The following VWA3B variants were observed in gnomAD, a reference collection of about 807,000 sequenced individuals.
VWA3B encodes the protein von Willebrand factor A domain-containing protein 3B.
VWA3B carries 138 observed loss-of-function variants against 158.3 expected under a neutral mutation model. The observed-to-expected ratio is 0.87, with a 90% confidence interval of 0.76 to 1.00. VWA3B has a LOEUF of 1.00. Ranked by LOEUF, VWA3B falls within the 50% of genes least tolerant of loss-of-function variation. VWA3B has a pLI of 0.00. For synonymous variants in VWA3B, 596 were observed against 587.3 expected (o/e 1.01, Z -0.21); for missense variants, 1,555 against 1,565.1 (o/e 0.99, Z 0.11).
Position 98,192,882 on chromosome 2 carries a change from C to T in VWA3B, c.1467-16C>T, listed in dbSNP as rs1278402585. 1 of 1,614,158 alleles carries T rather than the reference C, an allele frequency of 6.2e-7. No individual in the cohort carries two copies. Reference sequence around the variant, plus strand: ...GCAGGCTCTCACCATTCACTTTCAACCTACTTCCTGCCTAGGATTAAATGG... The same window carrying T: ...GCAGGCTCTCACCATTCACTTTCAATCTACTTCCTGCCTAGGATTAAATGG... On this transcript the variant is annotated splice_polypyrimidine_tract_variant and intron_variant, in intron 10 of 27. Transcript: ENST00000477737.
intron 8 of VWA3B, among the ~76,000 whole-genome samples, chr2:98,165,287 A>G (rs899847415): frequency 9.2e-5 from 14 of 152,258 alleles, no homozygotes; most frequent in African/African-American, 3.1e-4. Context: ...TTTTGGCTTC[A>G]GTAACTTGCC....
In VWA3B at chr2:98,236,439, A is replaced by C. The variant is rs1260629363; in HGVS notation, c.2478A>C (p.Glu826Asp). ...AGTGGCTGGATGACAAATCGTCAGA[A>C]AAGGTGACGCGAGAAGGAAGCCAGG... ...AEEWLDDKSSEKVTREGSQVY... is the reference protein window; with the variant it reads ...AEEWLDDKSSDKVTREGSQVY... Residue 826 changes from glutamate to aspartate, a missense_variant, in exon 18 of 28, where the codon GAA becomes GAC. Glu to Asp is a conservative substitution (Grantham distance 45, BLOSUM62 2). Transcript: ENST00000477737. 1.2e-6 allele frequency: 2 copies of C among 1,614,104 alleles called. No homozygotes were observed. The highest frequency in any genetic ancestry group is 2.7e-5 in the African/African-American group (2 of 74,922).
chr2:98,307,249 T>G (rs892124961), intron 26 of VWA3B, among the ~76,000 whole-genome samples: 2 of 152,242 alleles, frequency 1.3e-5, no homozygotes, highest in Non-Finnish European at 2.9e-5. Context: ...AGTTTTGCCA[T>G]GAGAGTACAC....
At chr2:98,208,429 C>T (rs1466299599) in intron 12 of VWA3B, among the ~76,000 whole-genome samples, 3 of 152,024 alleles carry the variant, frequency 2.0e-5, no homozygotes, top group Non-Finnish European at 4.4e-5. Context: ...TCCTCTGTTT[C>T]TCATTTTTCT....
chr2:98,127,460 G>A (rs1025497485), intron 5 of VWA3B, among the ~76,000 whole-genome samples: 1 of 152,050 alleles, frequency 6.6e-6, no homozygotes, highest in Non-Finnish European at 1.5e-5. Context: ...CAGGAGGGGC[G>A]GCCGCCCTGA....
In VWA3B at chr2:98,312,818, C is replaced by G; in HGVS notation, c.*469C>G. On this transcript the variant is annotated 3_prime_UTR_variant, in exon 28 of 28. Coordinates refer to ENST00000477737, the MANE Select transcript of VWA3B (RefSeq NM_144992.5). Reference sequence around the variant, plus strand: ...TGAGATCTGCAAGACTGAACATCCCCTACTGTATAGTTTCCTGACATTTTC... The same window carrying G: ...TGAGATCTGCAAGACTGAACATCCCGTACTGTATAGTTTCCTGACATTTTC... 1 of 157,002 alleles carries G rather than the reference C, an allele frequency of 6.4e-6. No homozygotes were observed. The highest frequency in any genetic ancestry group is 6.2e-5 in the Admixed American group (1 of 16,108). 9.7% of individuals were successfully genotyped at this position (157,002 alleles called of 1,614,324 possible).
intron 2 of VWA3B, among the ~76,000 whole-genome samples, chr2:98,094,243 A>G (rs1311682915): frequency 6.6e-6 from 1 of 152,164 alleles, no homozygotes; most frequent in Non-Finnish European, 1.5e-5. Context: ...TAGCTATATT[A>G]ATTTACATTC....
intron 14 of VWA3B, among the ~76,000 whole-genome samples, chr2:98,220,165 T>TAAAA (rs58005028): frequency 2.1e-3 from 175 of 83,542 alleles, no homozygotes; most frequent in East Asian, 3.9e-3. Context: ...ACCTGTCTCA[T>TAAAA]AAAAAAAAAA....
At chr2:98,256,303 T>C in intron 21 of VWA3B, 129 bp downstream of exon 21, 1 of 1,076,980 alleles carries the variant, frequency 9.3e-7, no homozygotes, top group Non-Finnish European at 1.3e-6. Context: ...CCACTACCTT[T>C]TTCTAGTTTC....
intron 1 of VWA3B, among the ~76,000 whole-genome samples, chr2:98,091,849 G>A (rs1682315088): frequency 6.6e-6 from 1 of 152,150 alleles, no homozygotes; most frequent in Admixed American, 6.5e-5. Context: ...GTGAATTCTG[G>A]ATACAGAAGT....
At chr2:98,116,834 T>C (rs1054388829) in intron 3 of VWA3B, among the ~76,000 whole-genome samples, 9 of 152,242 alleles carry the variant, frequency 5.9e-5, no homozygotes, top group Non-Finnish European at 1.2e-4. Context: ...CCTTTTTCTT[T>C]ATTTTTGTCT....
At position 98,125,813 on chromosome 2, in the gene VWA3B, G is replaced by A. The variant is rs1056887945; in HGVS notation, c.703-2426G>A. ...CCAGTAGCTGGGACTACAGGCGCCT[G>A]CCACCACATCCGGCTAATTTTTCTG... is the stretch of plus-strand genomic sequence containing the variant. On this transcript the variant is annotated intron_variant, in intron 5 of 27. Coordinates refer to ENST00000477737, the MANE Select transcript of VWA3B (RefSeq NM_144992.5). The surrounding 1 kb of genome is among the most constrained non-coding windows in gnomAD (Gnocchi z 4.1). Among the ~76,000 whole-genome samples the A allele has an allele frequency of 2.0e-5, 3 of 152,128 alleles. No individual in the cohort carries two copies. The highest frequency in any genetic ancestry group is 4.4e-5 in the Non-Finnish European group (3 of 68,012).
chr2:98,253,548 G>A (rs1436227725), intron 20 of VWA3B, among the ~76,000 whole-genome samples: 2 of 152,152 alleles, frequency 1.3e-5, no homozygotes, highest in African/African-American at 4.8e-5. Flanking sequence ...TTCATTGAAA[G>A]TCTAAGGTCA....
At chr2:98,232,552 G>T (rs566334900) in intron 16 of VWA3B, among the ~76,000 whole-genome samples, 5 of 152,192 alleles carry the variant, frequency 3.3e-5, no homozygotes, top group African/African-American at 1.2e-4. Context: ...CTGATTGAAG[G>T]TGTGATTGTT....
intron 7 of VWA3B, among the ~76,000 whole-genome samples, chr2:98,151,102 T>C (rs73963243): frequency 0.15 from 22,291 of 152,044 alleles, 1,725 homozygotes; most frequent in Middle Eastern, 0.23. Context: ...GAATGGACTC[T>C]CCTTTAACTA....
chr2:98,211,331 A>G (rs192869400), intron 12 of VWA3B, among the ~76,000 whole-genome samples: 16 of 152,318 alleles, frequency 1.1e-4, no homozygotes, highest in Admixed American at 5.9e-4. Flanking sequence ...TCATTTTTGC[A>G]TATTAAGGAG....
chr2:98,247,335 T>C (rs540237696), intron 19 of VWA3B, among the ~76,000 whole-genome samples: 1 of 152,244 alleles, frequency 6.6e-6, no homozygotes, highest in East Asian at 1.9e-4. Context: ...GTATTTTGTA[T>C]TTTTATTCTC....
intron 7 of VWA3B, among the ~76,000 whole-genome samples, chr2:98,156,172 T>C (rs564808091): frequency 2.6e-5 from 4 of 152,324 alleles, no homozygotes; most frequent in African/African-American, 9.6e-5. Context: ...CTGTTCATTT[T>C]GTATTTCCAG....
At chr2:98,279,197 C>T (rs973916762) in intron 22 of VWA3B, among the ~76,000 whole-genome samples, 2 of 152,116 alleles carry the variant, frequency 1.3e-5, no homozygotes, top group African/African-American at 4.8e-5. Context: ...CTGGAGGAAA[C>T]TGAAAGAAGG....
Sources: gnomAD v4.1 joint callset for allele counts (sites outside exome capture counted in the v4.1 genomes callset) on GRCh38, gnomAD v4.1.1 for gene constraint, Gnocchi (gnomAD v3.1) non-coding constraint, MANE v1.5 for transcripts, NCBI Gene and HGNC (gene_info 2026-07-23, HGNC 2026-07-21) for gene names.